DPF2: variants seen among roughly 807,000 people sequenced by gnomAD.
DPF2 encodes the protein double PHD fingers 2.
Under a neutral mutation model 59.6 loss-of-function variants are expected in DPF2, and 10 were observed. The ratio of observed to expected loss-of-function variants is 0.17; its 90% CI spans 0.10 to 0.28. The LOEUF (loss-of-function observed/expected upper bound fraction) is 0.28. DPF2 is among the 10% of genes least tolerant of loss of function. DPF2 has a pLI of 1.00. For missense variants in DPF2, 315 were observed against 509.4 expected (o/e 0.62, Z 3.67); for synonymous variants, 189 against 190.6 (o/e 0.99, Z 0.07).
In DPF2 at chr11:65,341,370, G is replaced by T. The variant is rs760927784; in HGVS notation, c.302-29G>T. On this transcript the variant is annotated intron_variant, in intron 3 of 10. Coordinates refer to ENST00000528416, the MANE Select transcript of DPF2 (RefSeq NM_006268.5). ...AGCAGTCTGCTTTCAGCCCTTTTGA[G>T]CCTTGCTTTATCCTGACCTTGCTTG... 3 of 1,613,082 alleles carry T rather than the reference G, an allele frequency of 1.9e-6. No individual in the cohort carries two copies. In the African/African-American group the frequency reaches 4.0e-5, roughly 22 times the overall value.
At chr11:65,346,417 C>T in intron 9 of DPF2, 58 bp downstream of exon 9, 6 of 1,477,280 alleles carry the variant, frequency 4.1e-6, no homozygotes, top group Non-Finnish European at 5.6e-6. Flanking sequence ...CTGCTGTTTG[C>T]ACAGTTCCCT....
intron 1 of DPF2, among the ~76,000 whole-genome samples, chr11:65,336,100 A>G (rs1317263824): frequency 6.6e-6 from 1 of 151,848 alleles, no homozygotes; most frequent in East Asian, 1.9e-4. Flanking sequence ...GGCGTGAGCC[A>G]CCACGCCCGG....
Position 65,337,812 on chromosome 11 carries a change from TA to T in DPF2, c.33-2572del, listed in dbSNP as rs754034902. On this transcript the variant is annotated intron_variant, in intron 1 of 10. Transcript: ENST00000528416. ...TTGTTTGTTTTGTTTTTTTTAATTT[TA>T]TTTTTTTTGAGACAGAGTTTCGCTC... is the stretch of plus-strand genomic sequence containing the variant. Among the ~76,000 whole-genome samples the T allele has an allele frequency of 9.5e-4, 144 of 152,168 alleles. 4 individuals are homozygous for T. The highest frequency in any genetic ancestry group is 6.3e-4 in the Non-Finnish European group (43 of 68,004).
intron 7 of DPF2, 33 bp from the exon 8 acceptor site, chr11:65,345,897 C>T: frequency 6.2e-7 from 1 of 1,613,790 alleles, no homozygotes. Context: ...CAGGGACCCC[C>T]ATGGGTGTCA....
At chr11:65,343,448 G>A in intron 4 of DPF2, 2 of 406,192 alleles carry the variant, frequency 4.9e-6, no homozygotes, top group South Asian at 3.6e-5. Flanking sequence ...GGGCATGGCT[G>A]CTTGTGGCAT....
chr11:65,337,498 TATATATAGAGAGAGAGAGAG>T (rs1409911298), intron 1 of DPF2, among the ~76,000 whole-genome samples: 33 of 48,026 alleles, frequency 6.9e-4, no homozygotes, highest in African/African-American at 1.5e-3. Flanking sequence ...TATATATATA[TATATATAGAGAGAGAGAGAG>T]AGAGAGAGAG....
At chr11:65,351,605 G>C in intron 10 of DPF2, 78 bp from the exon 11 acceptor site, 3 of 1,218,912 alleles carry the variant, frequency 2.5e-6, no homozygotes, top group Non-Finnish European at 3.6e-6. Flanking sequence ...TATAGAGATG[G>C]GGTATCAAGA....
At chr11:65,343,511 G>C in intron 4 of DPF2, 1 of 545,030 alleles carries the variant, frequency 1.8e-6, no homozygotes. Context: ...GGCATGGTGG[G>C]GAAAGCATTT....
intron 6 of DPF2, chr11:65,345,095 T>C (rs1854490187): frequency 5.7e-6 from 1 of 175,570 alleles, no homozygotes; most frequent in Non-Finnish European, 1.2e-5. Context: ...ACAGGGCAAT[T>C]ACATGGGAGT....
At chr11:65,344,120 G>T in intron 6 of DPF2, 51 bp downstream of exon 6, 2 of 1,565,886 alleles carry the variant, frequency 1.3e-6, no homozygotes, top group African/African-American at 1.3e-5. Context: ...CCCAGCTCCT[G>T]CTCTGGATAT....
Position 65,351,818 on chromosome 11 carries a change from T to C in DPF2, c.*59T>C. 2.6e-6 allele frequency: 4 copies of C among 1,546,056 alleles called. No individual in the cohort carries two copies. Among genetic ancestry groups the C allele is most frequent in the African/African-American group, 1.4e-5 (1 of 73,578 alleles). ...GGCTGTTTCTCTCCTCCACTTCATA[T>C]TTCATACCCATCTTTCCCTTCTTCC... On this transcript the variant is annotated 3_prime_UTR_variant, in exon 11 of 11. Coordinates refer to ENST00000528416, the MANE Select transcript of DPF2 (RefSeq NM_006268.5).
chr11:65,334,329 T>TG, intron 1 of DPF2, among the ~76,000 whole-genome samples: 2 of 150,298 alleles, frequency 1.3e-5, no homozygotes, highest in African/African-American at 4.9e-5. Context: ...CCCGTCCCGT[T>TG]CGCTGCAGCA....
chr11:65,337,406 T>C (rs1212835750), intron 1 of DPF2, among the ~76,000 whole-genome samples: 1 of 137,632 alleles, frequency 7.3e-6, no homozygotes, highest in East Asian at 2.1e-4. Context: ...TGAGCCGAGA[T>C]TGCACCACTG....
intron 1 of DPF2, among the ~76,000 whole-genome samples, chr11:65,337,995 G>A (rs1358649938): frequency 6.6e-6 from 1 of 152,070 alleles, no homozygotes; most frequent in Non-Finnish European, 1.5e-5. Flanking sequence ...GTAGAGACAG[G>A]GTTTCTCCAT....
intron 10 of DPF2, among the ~76,000 whole-genome samples, chr11:65,350,179 A>G (rs1854651765): frequency 6.6e-6 from 1 of 152,124 alleles, no homozygotes; most frequent in Non-Finnish European, 1.5e-5. Context: ...GAGGTAGTGG[A>G]GAGCTGCAGG....
chr11:65,343,299 CAAAAAAAAAAAAAA>C (rs529933254), intron 4 of DPF2, among the ~76,000 whole-genome samples: 1 of 58,024 alleles, frequency 1.7e-5, no homozygotes, highest in South Asian at 6.7e-4. Context: ...AACTCTGTCT[CAAAAAAAAAAAAAA>C]AAAAAAAAAG....
chr11:65,353,129 T>C lies in DPF2; in HGVS notation c.*1370T>C, dbSNP rs1489780421. The C allele has an allele frequency of 6.6e-6, 1 of 152,032 alleles. No homozygotes were observed. Among genetic ancestry groups the C allele is most frequent in the South Asian group, 2.1e-4 (1 of 4,824 alleles). The allele number at this position is 152,032 out of a possible 1,614,324, so 9.4% of individuals were successfully genotyped here. A position where few individuals can be genotyped will look rare whatever the true frequency, so the allele number is the denominator to read the frequency against. On this transcript the variant is annotated 3_prime_UTR_variant, in exon 11 of 11. Transcript: ENST00000528416. ...AAAATTTTTTTGTGGAACCCCAATA[T>C]GTAAAGCGAATATAAAATTGGTTAT...
At chr11:65,336,957 G>A (rs762382922) in intron 1 of DPF2, among the ~76,000 whole-genome samples, 4 of 151,760 alleles carry the variant, frequency 2.6e-5, no homozygotes, top group South Asian at 4.2e-4. Context: ...GCATGGTGGC[G>A]TGCACCTGTA....
At chr11:65,351,354 G>T (rs1348023184) in intron 10 of DPF2, among the ~76,000 whole-genome samples, 2 of 152,190 alleles carry the variant, frequency 1.3e-5, no homozygotes, top group African/African-American at 4.8e-5. Flanking sequence ...TCTTAAAACT[G>T]AGGTGCTTGA....
Sources: allele counts gnomAD v4.1 joint callset (sites outside exome capture counted in the v4.1 genomes callset), GRCh38; gene constraint gnomAD v4.1.1; transcripts MANE v1.5; gene names NCBI Gene and HGNC (gene_info 2026-07-23, HGNC 2026-07-21).